Variants in CEP126 observed in about 807,000 individuals in gnomAD.
CEP126 encodes centrosomal protein of 126 kDa.
CEP126 carries 74 observed loss-of-function variants against 107.8 expected under a neutral mutation model. That is an observed-to-expected ratio of 0.69 (90% confidence interval 0.57 to 0.83). The LOEUF is 0.83. Ranked by LOEUF, CEP126 falls within the 40% of genes least tolerant of loss-of-function variation. The pLI, the probability that CEP126 is intolerant of heterozygous loss-of-function variation, is 0.00. For synonymous variants in CEP126, 449 were observed against 446.0 expected, an observed-to-expected ratio of 1.01 and a Z score of -0.08; for missense variants, 1,237 against 1,281.9, an observed-to-expected ratio of 0.96 and a Z score of 0.53.
At chr11:101,992,661 T>A in intron 9 of CEP126, 117 bp from the exon 10 acceptor site, 1 of 599,922 alleles carries the variant, frequency 1.7e-6, no homozygotes, top group South Asian at 2.5e-5. Flanking sequence ...GAAAAAAGTG[T>A]CTTACTCAAT....
At chr11:101,946,398 C>T (rs1017214361) in intron 3 of CEP126, among the ~76,000 whole-genome samples, 1 of 152,056 alleles carries the variant, frequency 6.6e-6, no homozygotes, top group African/African-American at 2.4e-5. Context: ...GTCCCAGCTA[C>T]TCAGGAGGCT....
Position 101,952,091 on chromosome 11 carries a change from G to A in CEP126, c.506+3949G>A, listed in dbSNP as rs913853008. ...AAAAGTGGCCCGAAGTTAGATAGAT[G>A]AGGAGGGTATTTATCTGAGACAAAC... On this transcript the variant is annotated intron_variant, in intron 4 of 10. Transcript: ENST00000263468. 5.3e-5 allele frequency among the ~76,000 whole-genome samples: 8 copies of A among 152,192 alleles called. 1 individual carries two copies. Among genetic ancestry groups the A allele is most frequent in the Non-Finnish European group, 1.5e-5 (1 of 68,032 alleles).
intron 6 of CEP126, among the ~76,000 whole-genome samples, chr11:101,973,682 A>G (rs1198583626): frequency 6.6e-6 from 1 of 152,188 alleles, no homozygotes; most frequent in Non-Finnish European, 1.5e-5. Flanking sequence ...TTAAAAAGCA[A>G]TAAATTAGGT....
At chr11:101,933,105 G>A (rs1940525502) in intron 2 of CEP126, among the ~76,000 whole-genome samples, 1 of 152,168 alleles carries the variant, frequency 6.6e-6, no homozygotes, top group African/African-American at 2.4e-5. Context: ...AGAGTATGAT[G>A]GGAAAGACAG....
chr11:101,963,493 CAG>C lies in CEP126; in HGVS notation c.2459_2460del (p.Gln820LeufsTer7). ...IRSGKNIQVS[Q>X]CQPVTPENPQ... Reference sequence around the variant, plus strand: ...AAGTGGTAAAAATATACAAGTGTCTCAGTGTCAACCAGTAACTCCTGAAAATC... The same window carrying C: ...AAGTGGTAAAAATATACAAGTGTCTCTGTCAACCAGTAACTCCTGAAAATC... On this transcript the variant is annotated frameshift_variant, in exon 6 of 11. Transcript: ENST00000263468. LOFTEE classifies it high-confidence loss of function. 1 of 1,614,024 alleles carries C rather than the reference CAG, an allele frequency of 6.2e-7. No individual in the cohort carries two copies. Among genetic ancestry groups the C allele is most frequent in the Non-Finnish European group, 8.5e-7 (1 of 1,179,944 alleles).
chr11:101,999,419 G>A lies in CEP126; in HGVS notation c.*1776G>A, dbSNP rs910495038. On this transcript the variant is annotated 3_prime_UTR_variant, in exon 11 of 11. Coordinates refer to ENST00000263468, the MANE Select transcript of CEP126 (RefSeq NM_020802.4). ...TAATCCCTCACTTTAATACCTCTTA[G>A]GAACCAAAGAATGCCTCTACAAGCA... 1 of 141,046 alleles carries A rather than the reference G, an allele frequency of 7.1e-6. No individual in the cohort carries two copies. The highest frequency in any genetic ancestry group is 1.5e-5 in the Non-Finnish European group (1 of 66,776). 8.7% of individuals were successfully genotyped at this position (141,046 alleles called of 1,614,324 possible). A position where few individuals can be genotyped will look rare whatever the true frequency, so the allele number is the denominator to read the frequency against.
chr11:101,935,462 C>T (rs1048278033), intron 2 of CEP126, among the ~76,000 whole-genome samples: 4 of 152,056 alleles, frequency 2.6e-5, no homozygotes, highest in Non-Finnish European at 5.9e-5. Flanking sequence ...TTCATACTTA[C>T]AGATTTTCAG....
chr11:101,940,411 C>T (rs1940647496), intron 2 of CEP126, among the ~76,000 whole-genome samples: 1 of 152,176 alleles, frequency 6.6e-6, no homozygotes, highest in Non-Finnish European at 1.5e-5. Flanking sequence ...CATTTCTCCC[C>T]ATCTCTACTA....
intron 4 of CEP126, among the ~76,000 whole-genome samples, chr11:101,949,646 A>G (rs1004371277): frequency 6.6e-6 from 1 of 152,196 alleles, no homozygotes; most frequent in African/African-American, 2.4e-5. Context: ...CATGGGAAAA[A>G]AAATAGTTTA....
intron 6 of CEP126, among the ~76,000 whole-genome samples, chr11:101,973,833 T>G (rs1337709401): frequency 6.6e-6 from 1 of 152,236 alleles, no homozygotes; most frequent in African/African-American, 2.4e-5. Context: ...ACATTTTATA[T>G]GTTTATGCAT....
intron 8 of CEP126, among the ~76,000 whole-genome samples, chr11:101,985,941 C>T (rs1941311176): frequency 6.8e-6 from 1 of 147,688 alleles, no homozygotes; most frequent in Admixed American, 6.7e-5. Flanking sequence ...TCTTTAATTT[C>T]TTACGAATTT....
intron 4 of CEP126, chr11:101,955,971 C>T (rs746421787): frequency 2.2e-6 from 1 of 456,502 alleles, no homozygotes; most frequent in Non-Finnish European, 4.4e-6. Flanking sequence ...TCTACTCTTC[C>T]AAAGACCTTT....
At chr11:101,953,188 C>A (rs1266518273) in intron 4 of CEP126, among the ~76,000 whole-genome samples, 1 of 141,714 alleles carries the variant, frequency 7.1e-6, no homozygotes, top group Non-Finnish European at 1.6e-5. Context: ...TAAGAATTAT[C>A]ATACTCGAGG....
In CEP126 at chr11:101,978,629, TC is replaced by T. The variant is rs113836697; in HGVS notation, c.2958+172del. On this transcript the variant is annotated intron_variant, in intron 7 of 10. Coordinates refer to ENST00000263468, the MANE Select transcript of CEP126 (RefSeq NM_020802.4). ...TGGAATCTTTATGCTAGGAGATTATTCCACTATACCTACTTGCTATGTTCTG... is the reference window on the plus strand; with the variant it reads ...TGGAATCTTTATGCTAGGAGATTATTCACTATACCTACTTGCTATGTTCTG... 6.5e-3 allele frequency among the ~76,000 whole-genome samples: 989 copies of T among 152,322 alleles called. 10 individuals are homozygous for T. Among genetic ancestry groups the T allele is most frequent in the African/African-American group, 0.023 (938 of 41,560 alleles).
At chr11:101,955,231 A>G (rs11225085) in intron 4 of CEP126, among the ~76,000 whole-genome samples, 8,477 of 152,308 alleles carry the variant, frequency 0.056, 455 homozygotes, top group East Asian at 0.26. Flanking sequence ...AGTTAAAAAT[A>G]TAAGAAGTAA....
At chr11:101,995,599 T>G (rs545425695) in intron 10 of CEP126, among the ~76,000 whole-genome samples, 9 of 152,286 alleles carry the variant, frequency 5.9e-5, no homozygotes, top group African/African-American at 2.2e-4. Context: ...GGGATCAAAG[T>G]GTAGCCTGCA....
intron 8 of CEP126, among the ~76,000 whole-genome samples, chr11:101,983,700 A>G (rs572351637): frequency 3.3e-5 from 5 of 152,328 alleles, no homozygotes; most frequent in South Asian, 4.1e-4. Context: ...ACTGATGAAC[A>G]TCACTGGTTT....
intron 1 of CEP126, among the ~76,000 whole-genome samples, chr11:101,915,787 A>G (rs1264397182): frequency 6.6e-6 from 1 of 152,250 alleles, no homozygotes; most frequent in African/African-American, 2.4e-5. Flanking sequence ...TACACAAATA[A>G]GTAAAATGTT....
intron 3 of CEP126, 109 bp downstream of exon 3, chr11:101,944,519 A>G (rs1940710449): frequency 1.9e-6 from 2 of 1,033,746 alleles, no homozygotes; most frequent in African/African-American, 1.7e-5. Context: ...AACTAAAAAG[A>G]CCAATATGAC....
Sources: allele counts gnomAD v4.1 joint callset (sites outside exome capture counted in the v4.1 genomes callset), GRCh38; gene constraint gnomAD v4.1.1; transcripts MANE v1.5; gene names NCBI Gene and HGNC (gene_info 2026-07-23, HGNC 2026-07-21).